ADCY5: variants seen among roughly 807,000 people sequenced by gnomAD.
The protein encoded by ADCY5 is adenylate cyclase 5.
ADCY5 carries 30 observed loss-of-function variants against 119.7 expected under a neutral mutation model. The observed-to-expected ratio is 0.25, with a 90% CI of 0.19 to 0.34. ADCY5 has a LOEUF of 0.34. Ranked by LOEUF, ADCY5 falls within the 10% of genes least tolerant of loss-of-function variation. The pLI is 1.00. For missense variants in ADCY5, 1,324 were observed against 1,775.2 expected (o/e 0.75, Z 4.57); for synonymous variants, 753 against 762.2 (o/e 0.99, Z 0.20).
chr3:123,291,271 G>T lies in ADCY5; in HGVS notation c.3169C>A (p.Arg1057=). The change falls in exon 18 of 21, where the codon CGG becomes AGG. Residue 1057 remains arginine, a synonymous_variant. Transcript: ENST00000462833. ...TGATAGTAGAGCTCATCATTGCGCCGCTCGCGGGCCAGGAAGTGAGCGGCC... is the reference window on the plus strand; with the variant it reads ...TGATAGTAGAGCTCATCATTGCGCCTCTCGCGGGCCAGGAAGTGAGCGGCC... ...DVAAHFLARE[R]RNDELYYQSC... is the part of the protein sequence containing the mutation. 6.2e-7 allele frequency: 1 copy of T among 1,613,980 alleles called. No individual in the cohort carries two copies. Among genetic ancestry groups the T allele is most frequent in the Non-Finnish European group, 8.5e-7 (1 of 1,180,040 alleles).
In ADCY5 at chr3:123,327,379, G is replaced by A. The variant is rs150121601; in HGVS notation, c.1947+239C>T. Among the ~76,000 whole-genome samples, 12 of 152,338 alleles carry A rather than the reference G, an allele frequency of 7.9e-5. No homozygotes were observed. In the East Asian group the frequency reaches 2.1e-3, roughly 27 times the overall value. On this transcript the variant is annotated intron_variant, in intron 7 of 20. Transcript: ENST00000462833. ...CCAGCTTGTGGACTTCTGATGTCTT[G>A]TTGCTAACTGATTTGAGGCCTGTTG...
chr3:123,288,766 A>G (rs1331012970), intron 19 of ADCY5, among the ~76,000 whole-genome samples: 1 of 152,212 alleles, frequency 6.6e-6, no homozygotes, highest in East Asian at 1.9e-4. Context: ...AGAAAAATAC[A>G]TATGTTTTTG....
intron 18 of ADCY5, among the ~76,000 whole-genome samples, chr3:123,290,501 C>A (rs1020072480): frequency 2.0e-5 from 3 of 152,234 alleles, no homozygotes; most frequent in Non-Finnish European, 2.9e-5. Context: ...CTCTCACGCC[C>A]ATGACTCAGG....
intron 8 of ADCY5, among the ~76,000 whole-genome samples, chr3:123,323,407 A>G (rs1161123616): frequency 6.6e-6 from 1 of 152,180 alleles, no homozygotes; most frequent in East Asian, 1.9e-4. Context: ...GATATAGCTT[A>G]TATCAAATAT....
intron 3 of ADCY5, 144 bp downstream of exon 3, chr3:123,347,638 G>A (rs6438788): frequency 9.4e-7 from 1 of 1,068,030 alleles, no homozygotes; most frequent in Non-Finnish European, 1.4e-6. Context: ...ACCTGGAGGG[G>A]TGGGGCTGGC....
chr3:123,306,602 T>C (rs1211554977), intron 12 of ADCY5, among the ~76,000 whole-genome samples: 1 of 152,224 alleles, frequency 6.6e-6, no homozygotes, highest in Admixed American at 6.5e-5. Context: ...AAAGTATTGG[T>C]GAGGATGCAG....
chr3:123,308,612 G>A lies in ADCY5; in HGVS notation c.2443-4429C>T, dbSNP rs555794652. ...TGGGAGGCCGAGGCAGGTGGATCAC[G>A]AGGTCAGGAGATCGAGATCAAACTG... On this transcript the variant is annotated intron_variant, in intron 12 of 20. Transcript: ENST00000462833. Among the ~76,000 whole-genome samples, 12 of 152,096 alleles carry A rather than the reference G, an allele frequency of 7.9e-5. No individual in the cohort carries two copies. The South Asian group carries it at 1.7e-3, about 21-fold the overall frequency.
intron 3 of ADCY5, among the ~76,000 whole-genome samples, chr3:123,333,047 C>T (rs539948949): frequency 1.3e-5 from 2 of 152,232 alleles, no homozygotes; most frequent in Non-Finnish European, 2.9e-5. Flanking sequence ...CCACGAGCCA[C>T]CACACCTGGT....
chr3:123,411,044 C>T (rs1430048637), intron 1 of ADCY5, among the ~76,000 whole-genome samples: 1 of 152,186 alleles, frequency 6.6e-6, no homozygotes, highest in Non-Finnish European at 1.5e-5. Flanking sequence ...AAAGCAGCAG[C>T]TATACCAAAT....
chr3:123,338,118 AC>A (rs145934447), intron 3 of ADCY5, among the ~76,000 whole-genome samples: 3,610 of 152,308 alleles, frequency 0.024, 159 homozygotes, highest in African/African-American at 0.082. Context: ...GAGGAGCTCC[AC>A]GTGCCTTTGA....
At chr3:123,387,341 G>A (rs559627510) in intron 1 of ADCY5, among the ~76,000 whole-genome samples, 1 of 152,152 alleles carries the variant, frequency 6.6e-6, no homozygotes, top group East Asian at 1.9e-4. Context: ...TTATTTAAAT[G>A]AGCCTAGACT....
rs58790927 is a variant in ADCY5 at position 123,348,006 on chromosome 3, C to T, written c.1285-103G>A. 44,003 of 1,310,650 alleles carry T rather than the reference C, an allele frequency of 0.034. 3,826 individuals carry two copies. The highest frequency in any genetic ancestry group is 0.26 in the East Asian group (11,070 of 42,608). The allele number at this position is 1,310,650 out of a possible 1,614,324, so 81.2% of individuals were successfully genotyped here. A position where few individuals can be genotyped will look rare whatever the true frequency, so the allele number is the denominator to read the frequency against. ...CCTGCCTGAGGGCCCTGGAAAACCT[C>T]TCAGGCTCTCCCGGGACTCCTGGGT... On this transcript the variant is annotated intron_variant, in intron 2 of 20. Transcript: ENST00000462833.
At chr3:123,422,131 TG>T (rs1309905425) in intron 1 of ADCY5, among the ~76,000 whole-genome samples, 6 of 152,224 alleles carry the variant, frequency 3.9e-5, no homozygotes, top group African/African-American at 1.4e-4. Flanking sequence ...AGCTTCCTCC[TG>T]GGCAGAGGGG....
At chr3:123,303,810 G>C (rs1940002185) in intron 13 of ADCY5, among the ~76,000 whole-genome samples, 2 of 148,022 alleles carry the variant, frequency 1.4e-5, no homozygotes, top group African/African-American at 5.0e-5. Context: ...GGGTGAAAGA[G>C]TAAGACTCTG....
intron 1 of ADCY5, among the ~76,000 whole-genome samples, chr3:123,427,953 A>G (rs1379129665): frequency 1.3e-5 from 2 of 152,238 alleles, no homozygotes; most frequent in African/African-American, 4.8e-5. Flanking sequence ...AGAACTGATA[A>G]TAACGAAAAT....
chr3:123,406,367 T>A (rs77553132), intron 1 of ADCY5, among the ~76,000 whole-genome samples: 4 of 152,250 alleles, frequency 2.6e-5, no homozygotes, highest in Non-Finnish European at 5.9e-5. Context: ...TGGCATGGCA[T>A]GGCATGTGCC....
chr3:123,367,740 G>A (rs62263808), intron 1 of ADCY5, among the ~76,000 whole-genome samples: 27,163 of 151,936 alleles, frequency 0.18, 2,814 homozygotes, highest in Middle Eastern at 0.25. Flanking sequence ...GTGAAGTGCA[G>A]CTTCCCTCGT....
At chr3:123,429,288 G>A (rs1300618937) in intron 1 of ADCY5, among the ~76,000 whole-genome samples, 1 of 152,220 alleles carries the variant, frequency 6.6e-6, no homozygotes, top group Non-Finnish European at 1.5e-5. Flanking sequence ...GCTGTGGCAT[G>A]GAAAAGAAAG....
Position 123,448,498 on chromosome 3 carries a change from C to G in ADCY5, c.48G>C (p.Lys16Asn). 1 of 1,272,550 alleles carries G rather than the reference C, an allele frequency of 7.9e-7. No homozygotes were observed. The highest frequency in any genetic ancestry group is 9.9e-7 in the Non-Finnish European group (1 of 1,010,608). 78.8% of individuals were successfully genotyped at this position (1,272,550 alleles called of 1,614,324 possible). ...CTCCCCGGGGCGCCGGCGCCGCAGT[C>G]TTCTGCGCCGCGTAGCCCGGGGGGC... is the stretch of plus-strand genomic sequence containing the variant. ...SVSPPGYAAQKTAAPAPRGGP... is the reference protein window; with the variant it reads ...SVSPPGYAAQNTAAPAPRGGP... The change falls in exon 1 of 21, where the codon AAG becomes AAC. Residue 16 changes from lysine (K) to asparagine (N), a missense_variant. Coordinates refer to ENST00000462833, the MANE Select transcript of ADCY5 (RefSeq NM_183357.3).
Sources: allele counts gnomAD v4.1 joint callset (sites outside exome capture counted in the v4.1 genomes callset), GRCh38; gene constraint gnomAD v4.1.1; transcripts MANE v1.5; gene names NCBI Gene and HGNC (gene_info 2026-07-23, HGNC 2026-07-21).